CAPN9: variants seen among roughly 807,000 people sequenced by gnomAD.
The protein encoded by CAPN9 is calpain-9.
CAPN9 carries 81 observed loss-of-function variants against 92.8 expected under a neutral mutation model. The observed-to-expected ratio is 0.87, with a 90% CI of 0.73 to 1.05. The LOEUF (loss-of-function observed/expected upper bound fraction) is 1.05. Among genes scored for constraint, CAPN9 ranks in the 50% least tolerant of loss-of-function variants. The pLI is 0.00. For synonymous variants in CAPN9, 304 were observed against 328.0 expected (o/e 0.93, Z 0.79); for missense variants, 848 against 866.2 (o/e 0.98, Z 0.26).
chr1:230,779,168 C>G (rs1271725910), intron 9 of CAPN9, 35 bp downstream of exon 9: 12 of 1,603,618 alleles, frequency 7.5e-6, no homozygotes, highest in Admixed American at 3.3e-5. Context: ...TCTGCCACTC[C>G]CAAGTGTCCC....
At chr1:230,791,151 G>A (rs1039633589) in intron 14 of CAPN9, among the ~76,000 whole-genome samples, 2 of 151,992 alleles carry the variant, frequency 1.3e-5, no homozygotes, top group Admixed American at 6.6e-5. Flanking sequence ...GGTTGTTACC[G>A]GTTTTTGGTC....
chr1:230,796,815 G>C lies in CAPN9; in HGVS notation c.1988-1347G>C, dbSNP rs142614084. Reference sequence around the variant, plus strand: ...ACCCAGGTGTAATCCTTCCCAGAACGGGGGGTGGGAGTGCCTCAGCTTTTC... The same window carrying C: ...ACCCAGGTGTAATCCTTCCCAGAACCGGGGGTGGGAGTGCCTCAGCTTTTC... On this transcript the variant is annotated intron_variant, in intron 18 of 19. Coordinates refer to ENST00000271971, the MANE Select transcript of CAPN9 (RefSeq NM_006615.3). 6.1e-4 allele frequency among the ~76,000 whole-genome samples: 93 copies of C among 152,248 alleles called. 3 individuals carry two copies. Among genetic ancestry groups the C allele is most frequent in the African/African-American group, 2.2e-3 (91 of 41,538 alleles).
In CAPN9 at chr1:230,747,445, A is replaced by C; in HGVS notation, c.-52A>C. ...ACCGGCACACACAGCTCGCTTCTTC[A>C]CTTTCTTTTCCATCCACTGCCGGAC... is the stretch of plus-strand genomic sequence containing the variant. On this transcript the variant is annotated 5_prime_UTR_variant, in exon 1 of 20. Coordinates refer to ENST00000271971, the MANE Select transcript of CAPN9 (RefSeq NM_006615.3). 6.7e-7 allele frequency: 1 copy of C among 1,497,610 alleles called. No homozygotes were observed. The highest frequency in any genetic ancestry group is 2.3e-5 in the East Asian group (1 of 44,302). The allele number at this position is 1,497,610 out of a possible 1,614,324, so 92.8% of individuals were successfully genotyped here. A position where few individuals can be genotyped will look rare whatever the true frequency, so the allele number is the denominator to read the frequency against.
intron 10 of CAPN9, 60 bp downstream of exon 10, chr1:230,780,396 C>A (rs529930206): frequency 4.4e-6 from 7 of 1,600,702 alleles, no homozygotes; most frequent in Non-Finnish European, 5.1e-6. Context: ...TTCGCGGCTC[C>A]TCCTCGGTCT....
intron 3 of CAPN9, 116 bp downstream of exon 3, chr1:230,759,746 T>C: frequency 1.5e-6 from 1 of 647,752 alleles, no homozygotes; most frequent in South Asian, 2.1e-5. Flanking sequence ...CTGTGTGACA[T>C]ATGGTCCTAA....
intron 13 of CAPN9, among the ~76,000 whole-genome samples, chr1:230,789,500 A>AAAAAAAAAAAG (rs200162449): frequency 4.5e-4 from 62 of 138,168 alleles, no homozygotes; most frequent in African/African-American, 1.7e-3. Flanking sequence ...AAAAAAAAAA[A>AAAAAAAAAAAG]GCCTGAGTCT....
intron 4 of CAPN9, among the ~76,000 whole-genome samples, chr1:230,765,976 C>T (rs1665960001): frequency 6.6e-6 from 1 of 152,152 alleles, no homozygotes; most frequent in African/African-American, 2.4e-5. Flanking sequence ...TGATCAAGGC[C>T]AGCATCAGCT....
chr1:230,788,127 A>G (rs1377616371), intron 13 of CAPN9, among the ~76,000 whole-genome samples: 1 of 152,218 alleles, frequency 6.6e-6, no homozygotes, highest in Non-Finnish European at 1.5e-5. Flanking sequence ...TGCTGGGATT[A>G]CAGTCATGAG....
chr1:230,789,788 G>A (rs1667856920), intron 13 of CAPN9, among the ~76,000 whole-genome samples: 1 of 152,184 alleles, frequency 6.6e-6, no homozygotes, highest in African/African-American at 2.4e-5. Context: ...CTCCAACATA[G>A]GAATCATCTG....
At chr1:230,766,545 T>C (rs1665994770) in intron 4 of CAPN9, among the ~76,000 whole-genome samples, 1 of 152,146 alleles carries the variant, frequency 6.6e-6, no homozygotes, top group Non-Finnish European at 1.5e-5. Flanking sequence ...AAGGACAGTC[T>C]TATAAACTGT....
Position 230,769,269 on chromosome 1 carries a change from CG to C in CAPN9, c.789+7del. On this transcript the variant is annotated splice_region_variant and intron_variant, in intron 6 of 19. Transcript: ENST00000271971. ...GTGTAACGGGAATTGACCAGGTAGG[CG>C]ACTTGAACTCCAACTGCAGGCTATG... The C allele has an allele frequency of 6.2e-7, 1 of 1,606,440 alleles. No homozygotes were observed. The highest frequency in any genetic ancestry group is 8.5e-7 in the Non-Finnish European group (1 of 1,173,330).
chr1:230,781,377 G>C (rs1001287011), intron 11 of CAPN9, among the ~76,000 whole-genome samples: 6 of 152,192 alleles, frequency 3.9e-5, no homozygotes, highest in African/African-American at 1.4e-4. Context: ...AGGGATGCTA[G>C]ACATTTCTGG....
chr1:230,771,304 A>G (rs917881961), intron 6 of CAPN9, among the ~76,000 whole-genome samples: 8 of 152,262 alleles, frequency 5.3e-5, no homozygotes, highest in African/African-American at 1.9e-4. Context: ...GTTTCTGGTT[A>G]GTTGATAACT....
intron 3 of CAPN9, among the ~76,000 whole-genome samples, chr1:230,761,280 G>A (rs59135397): frequency 0.018 from 2,687 of 152,204 alleles, 67 homozygotes; most frequent in East Asian, 0.083. Context: ...CAGCCACAGT[G>A]CAGGTGTGCG....
chr1:230,750,721 T>C (rs1319047378), intron 1 of CAPN9, among the ~76,000 whole-genome samples: 1 of 152,148 alleles, frequency 6.6e-6, no homozygotes, highest in Non-Finnish European at 1.5e-5. Flanking sequence ...CAAACACAGC[T>C]GTACTTGGGG....
intron 4 of CAPN9, among the ~76,000 whole-genome samples, chr1:230,765,398 C>T (rs564631941): frequency 6.6e-6 from 1 of 152,148 alleles, no homozygotes; most frequent in Admixed American, 6.6e-5. Context: ...GTGACTCACA[C>T]CTGTAATCCC....
At chr1:230,767,283 C>A (rs767040815) in intron 4 of CAPN9, among the ~76,000 whole-genome samples, 1 of 152,120 alleles carries the variant, frequency 6.6e-6, no homozygotes, top group Non-Finnish European at 1.5e-5. Context: ...TTTGAACCTG[C>A]GGCCACTCAG....
At position 230,755,318 on chromosome 1, in the gene CAPN9, A is replaced by G. The variant is rs1190886587; in HGVS notation, c.214-19A>G. 6.2e-7 allele frequency: 1 copy of G among 1,604,478 alleles called. No individual in the cohort carries two copies. The highest frequency in any genetic ancestry group is 1.7e-5 in the Admixed American group (1 of 59,540). ...GCAGCATGGCAGGCCTCAGCCTAATAACACTCTCATTCCTCCAGGAAATCG... is the reference window on the plus strand; with the variant it reads ...GCAGCATGGCAGGCCTCAGCCTAATGACACTCTCATTCCTCCAGGAAATCG... On this transcript the variant is annotated intron_variant, in intron 1 of 19. Transcript: ENST00000271971.
At chr1:230,766,810 C>G (rs1372025875) in intron 4 of CAPN9, among the ~76,000 whole-genome samples, 1 of 152,048 alleles carries the variant, frequency 6.6e-6, no homozygotes, top group Admixed American at 6.6e-5. Context: ...CAAGGAGGAG[C>G]AAGTCACATC....
Sources: allele counts gnomAD v4.1 joint callset (sites outside exome capture counted in the v4.1 genomes callset), GRCh38; gene constraint gnomAD v4.1.1; transcripts MANE v1.5; gene names NCBI Gene and HGNC (gene_info 2026-07-23, HGNC 2026-07-21).